The following FBXL18 variants were observed in gnomAD, a reference collection of about 807,000 sequenced individuals.
FBXL18 encodes F-box/LRR-repeat protein 18.
Under a neutral mutation model 46.0 loss-of-function variants are expected in FBXL18, and 36 were observed. The ratio of observed to expected loss-of-function variants is 0.78; its 90% CI spans 0.60 to 1.03. FBXL18 has a LOEUF of 1.03. Among genes scored for constraint, FBXL18 ranks in the 50% least tolerant of loss-of-function variants. FBXL18 has a pLI of 0.00. For missense variants in FBXL18, 977 were observed against 1,004.1 expected (o/e 0.97, Z 0.36); for synonymous variants, 557 against 465.3 (o/e 1.20, Z -2.54).
intron 4 of FBXL18, chr7:5,490,291 A>T: frequency 8.2e-7 from 1 of 1,223,750 alleles, no homozygotes; most frequent in Non-Finnish European, 1.1e-6. Flanking sequence ...AGGAGCCCTG[A>T]TCACTCCAGC....
chr7:5,475,793 C>A (rs143904962), downstream of FBXL18: 2 of 152,162 alleles, frequency 1.3e-5, no homozygotes, highest in Admixed American at 6.6e-5. This position sits in a 1 kb window ranked among gnomAD's most constrained non-coding sequence, Gnocchi z 4.2. Flanking sequence ...ACCACACAGC[C>A]GCCTGGCTTT....
At chr7:5,463,496 G>T (rs961644284) in intron 4 of FBXL18, among the ~76,000 whole-genome samples, 4 of 151,306 alleles carry the variant, frequency 2.6e-5, no homozygotes, top group African/African-American at 9.7e-5. Context: ...GTGCATGCTT[G>T]CAGTCCCAGC....
intron 4 of FBXL18, among the ~76,000 whole-genome samples, chr7:5,456,535 A>G (rs1783176713): frequency 6.6e-6 from 1 of 152,212 alleles, no homozygotes; most frequent in African/African-American, 2.4e-5. Flanking sequence ...ATCCTGAAGA[A>G]TAAGCAGAAG....
chr7:5,503,544 C>T (rs1277082155), intron 2 of FBXL18, among the ~76,000 whole-genome samples: 1 of 148,724 alleles, frequency 6.7e-6, no homozygotes, highest in Non-Finnish European at 1.5e-5. Context: ...TTTTTTTGTA[C>T]AGATGGAGTT....
Position 5,462,969 on chromosome 7 carries a change from AATAT to A in FBXL18, c.2001-15130_2001-15127del, listed in dbSNP as rs1405287211. Among the ~76,000 whole-genome samples the A allele has an allele frequency of 9.3e-3, 146 of 15,648 alleles. 8 individuals are homozygous for A. The highest frequency in any genetic ancestry group is 0.01 in the Non-Finnish European group (77 of 7,694). 10.3% of individuals were successfully genotyped at this position (15,648 alleles called of 152,430 possible). On this transcript the variant is annotated intron_variant and NMD_transcript_variant, in intron 4 of 6. Transcript: ENST00000415009. The stretch of plus-strand genomic sequence containing the variant: ...TGGTCTCAAAAAAAAAAAAAAAAAA[AATAT>A]ATATATATATATATATATATATAAT...
chr7:5,466,107 C>T (rs930132055), intron 4 of FBXL18, among the ~76,000 whole-genome samples: 3 of 151,344 alleles, frequency 2.0e-5, no homozygotes, highest in Admixed American at 6.6e-5. Flanking sequence ...CGTGAGCTAC[C>T]GCACCTGGCC....
chr7:5,485,107 G>A (rs1431186425), intron 4 of FBXL18, among the ~76,000 whole-genome samples: 1 of 152,184 alleles, frequency 6.6e-6, no homozygotes. Context: ...CCACAAGCAA[G>A]GAATGAAGCA....
rs1783616980 is a variant in FBXL18, at chr7:5,480,548, A to ATATATATATATATT, written c.*1226_*1227insAATATATATATATA. On this transcript the variant is annotated 3_prime_UTR_variant, in exon 5 of 5. Transcript: ENST00000382368. Reference sequence around the variant, plus strand: ...GTTGAATATATATATATATATATATATTTTTTTTTTTTTTTTTTTTTTTTT... The same window carrying ATATATATATATATT: ...GTTGAATATATATATATATATATATATATATATATATATTTTTTTTTTTTTTTTTTTTTTTTTTT... The ATATATATATATATT allele has an allele frequency of 1.2e-4, 5 of 40,344 alleles. No homozygotes were observed. The highest frequency in any genetic ancestry group is 4.8e-4 in the African/African-American group (5 of 10,398). The allele number at this position is 40,344 out of a possible 1,614,324, so 2.5% of individuals were successfully genotyped here.
downstream of FBXL18, among the ~76,000 whole-genome samples, chr7:5,472,443 G>C (rs1361836915): frequency 6.6e-6 from 1 of 152,186 alleles, no homozygotes; most frequent in East Asian, 1.9e-4. Context: ...GTTTTCTGGA[G>C]ACGCTTGCTC....
intron 4 of FBXL18, among the ~76,000 whole-genome samples, chr7:5,457,537 G>C (rs1427558377): frequency 6.6e-6 from 1 of 152,206 alleles, no homozygotes; most frequent in Non-Finnish European, 1.5e-5. Context: ...GTGGGAGTGA[G>C]TTCCTGCAGA....
intron 2 of FBXL18, 64 bp downstream of exon 2, chr7:5,505,348 G>A: frequency 1.4e-6 from 2 of 1,474,332 alleles, no homozygotes; most frequent in Middle Eastern, 1.9e-4. Context: ...CTGCAGGGCT[G>A]TGCCCAGTCC....
chr7:5,511,478 C>G (rs182509894), intron 1 of FBXL18, among the ~76,000 whole-genome samples: 3 of 151,978 alleles, frequency 2.0e-5, no homozygotes, highest in Non-Finnish European at 2.9e-5. Flanking sequence ...TAGTGGCACG[C>G]GCCTGTAATC....
At chr7:5,470,700 GGGGGGGAGATGT>G (rs1783413945) in intron 4 of FBXL18, among the ~76,000 whole-genome samples, 1 of 133,604 alleles carries the variant, frequency 7.5e-6, no homozygotes, top group Admixed American at 7.6e-5. Context: ...TCCCCTTCCC[GGGGGGGAGATGT>G]CCCCTTCCCG....
intron 1 of FBXL18, 45 bp from the exon 2 acceptor site, chr7:5,505,675 G>T (rs1784377626): frequency 2.6e-6 from 4 of 1,546,394 alleles, no homozygotes; most frequent in Non-Finnish European, 3.6e-6. Context: ...CCCAAGGATG[G>T]CTGTCAGCCT....
At chr7:5,457,062 C>T (rs1451060019) in intron 4 of FBXL18, among the ~76,000 whole-genome samples, 1 of 152,238 alleles carries the variant, frequency 6.6e-6, no homozygotes, top group Non-Finnish European at 1.5e-5. Context: ...CTGCACCTGG[C>T]CTAGGGCTGT....
At chr7:5,454,924 A>C (rs1467884516) in intron 4 of FBXL18, among the ~76,000 whole-genome samples, 5 of 152,140 alleles carry the variant, frequency 3.3e-5, no homozygotes, top group South Asian at 2.1e-4. Flanking sequence ...GGGATTTTCT[A>C]TCTCTCGAAT....
chr7:5,487,478 C>A (rs928558272), intron 4 of FBXL18, among the ~76,000 whole-genome samples: 3 of 152,214 alleles, frequency 2.0e-5, no homozygotes, highest in African/African-American at 4.8e-5. Context: ...GAGGTCCCCA[C>A]AGAGGTCCCC....
Position 5,501,896 on chromosome 7 carries a change from T to C in FBXL18, c.373A>G (p.Asn125Asp). The C allele has an allele frequency of 6.2e-7, 1 of 1,603,164 alleles. No individual in the cohort carries two copies. The highest frequency in any genetic ancestry group is 1.1e-5 in the South Asian group (1 of 88,816). ...VARCRSLVKV[N>D]LSGCHLTSLR... ...GAAGTGAGGTGGCAGCCCGAGAGGTTCACCTTCACCAGGCTGCGGCAGCGG... is the reference window on the plus strand; with the variant it reads ...GAAGTGAGGTGGCAGCCCGAGAGGTCCACCTTCACCAGGCTGCGGCAGCGG... Residue 125 changes from asparagine (N) to aspartate (D), a missense_variant, in exon 3 of 5, where the codon AAC (asparagine) becomes GAC (aspartate). Coordinates refer to ENST00000382368, the MANE Select transcript of FBXL18 (RefSeq NM_024963.6).
At chr7:5,504,731 C>T (rs1451813227) in intron 2 of FBXL18, among the ~76,000 whole-genome samples, 1 of 149,018 alleles carries the variant, frequency 6.7e-6, no homozygotes, top group African/African-American at 2.4e-5. Context: ...CTGGCTAACA[C>T]AGTGAAACCC....
Sources: allele counts gnomAD v4.1 joint callset (sites outside exome capture counted in the v4.1 genomes callset), GRCh38; gene constraint gnomAD v4.1.1; non-coding constraint Gnocchi (gnomAD v3.1); transcripts MANE v1.5; gene names NCBI Gene and HGNC (gene_info 2026-07-23, HGNC 2026-07-21).